The following DTWD2 variants were observed in gnomAD, a reference collection of about 807,000 sequenced individuals.
DTWD2 encodes the protein tRNA-uridine aminocarboxypropyltransferase 2.
DTWD2 carries 39 observed loss-of-function variants against 31.8 expected under a neutral mutation model. The observed-to-expected ratio is 1.22, with a 90% CI of 0.95 to 1.60. DTWD2 has a LOEUF of 1.60. Ranked by LOEUF, DTWD2 falls within the 40% of genes most tolerant of loss-of-function variation. The probability of loss-of-function intolerance (pLI) is 0.00; values close to 1 mark genes in which losing one functional copy is unlikely to be tolerated. For missense variants in DTWD2, 515 were observed against 381.5 expected, an observed-to-expected ratio of 1.35 and a Z score of -2.92; for synonymous variants, 180 against 142.8, an observed-to-expected ratio of 1.26 and a Z score of -1.86.
intron 1 of DTWD2, among the ~76,000 whole-genome samples, chr5:118,968,174 T>G (rs910831454): frequency 1.3e-5 from 2 of 151,672 alleles, no homozygotes; most frequent in Non-Finnish European, 2.9e-5. Context: ...CTGACCAGTA[T>G]TCTTCAAAAG....
intron 4 of DTWD2, among the ~76,000 whole-genome samples, chr5:118,922,376 C>G (rs192239795): frequency 1.7e-4 from 26 of 152,224 alleles, no homozygotes; most frequent in Non-Finnish European, 3.2e-4. Flanking sequence ...CCATTTTTCT[C>G]TCATACATTT....
intron 4 of DTWD2, among the ~76,000 whole-genome samples, chr5:118,894,901 T>C (rs553160447): frequency 1.1e-4 from 17 of 152,088 alleles, no homozygotes; most frequent in Non-Finnish European, 2.4e-4. Context: ...ACAGCTATTA[T>C]CACACTGAAT....
At chr5:118,913,966 T>C (rs1402860960) in intron 4 of DTWD2, among the ~76,000 whole-genome samples, 1 of 128,772 alleles carries the variant, frequency 7.8e-6, no homozygotes, top group African/African-American at 4.7e-5. Flanking sequence ...AAACCAAGCA[T>C]ACAATAAATA....
intron 4 of DTWD2, among the ~76,000 whole-genome samples, chr5:118,910,128 T>C (rs1041420257): frequency 1.3e-5 from 2 of 152,240 alleles, no homozygotes; most frequent in Non-Finnish European, 2.9e-5. Context: ...TTTCATTGTT[T>C]AAAACATGGC....
intron 1 of DTWD2, among the ~76,000 whole-genome samples, chr5:118,980,029 A>G (rs1309298774): frequency 6.6e-6 from 1 of 152,204 alleles, no homozygotes; most frequent in Non-Finnish European, 1.5e-5. Context: ...GTACTGTACC[A>G]ATGTTCATTT....
At chr5:118,873,711 C>T (rs528098113) in intron 4 of DTWD2, among the ~76,000 whole-genome samples, 5 of 152,308 alleles carry the variant, frequency 3.3e-5, no homozygotes, top group Admixed American at 6.5e-5. Context: ...CTCACACTTG[C>T]GCTAACCCTG....
At chr5:118,967,238 G>A (rs978029365) in intron 1 of DTWD2, among the ~76,000 whole-genome samples, 1 of 152,124 alleles carries the variant, frequency 6.6e-6, no homozygotes, top group Non-Finnish European at 1.5e-5. Context: ...GAACTCTGTG[G>A]TATTGGATGA....
chr5:118,852,140 A>G (rs1214945038), intron 4 of DTWD2, among the ~76,000 whole-genome samples: 1 of 152,200 alleles, frequency 6.6e-6, no homozygotes, highest in Admixed American at 6.5e-5. Context: ...TCTCTGCAAG[A>G]AGAAAAATAT....
chr5:118,859,371 TTTTTAAAGTATCA>T (rs1239746792), intron 4 of DTWD2, among the ~76,000 whole-genome samples: 4 of 152,248 alleles, frequency 2.6e-5, no homozygotes, highest in South Asian at 2.1e-4. Context: ...TTTTCACTTA[TTTTTAAAGTATCA>T]TTTTAAAGTA....
intron 1 of DTWD2, among the ~76,000 whole-genome samples, chr5:118,963,492 T>C (rs78278833): frequency 0.048 from 7,241 of 152,286 alleles, 215 homozygotes; most frequent in Non-Finnish European, 0.074. Flanking sequence ...CTGCAGGACT[T>C]GGATGTTACA....
At chr5:118,880,471 C>T (rs1262370284) in intron 4 of DTWD2, among the ~76,000 whole-genome samples, 4 of 152,120 alleles carry the variant, frequency 2.6e-5, no homozygotes, top group East Asian at 1.9e-4. Flanking sequence ...CACAACAAAA[C>T]CGTTATTATA....
chr5:118,952,973 T>A (rs1754499356), intron 1 of DTWD2, among the ~76,000 whole-genome samples: 1 of 152,248 alleles, frequency 6.6e-6, no homozygotes, highest in African/African-American at 2.4e-5. Flanking sequence ...TGTTTTCACA[T>A]CTTCCTCTCA....
At chr5:118,918,396 G>A (rs1042481989) in intron 4 of DTWD2, among the ~76,000 whole-genome samples, 1 of 150,594 alleles carries the variant, frequency 6.6e-6, no homozygotes, top group African/African-American at 2.4e-5. Context: ...GCACGATCTC[G>A]GCTCATTGCA....
intron 1 of DTWD2, among the ~76,000 whole-genome samples, chr5:118,967,048 T>A (rs1251060410): frequency 2.9e-5 from 4 of 139,222 alleles, no homozygotes; most frequent in Admixed American, 1.4e-4. Context: ...AAAAAGACAA[T>A]CAGTAACTCA....
chr5:118,905,448 T>C (rs1753306796), intron 4 of DTWD2, among the ~76,000 whole-genome samples: 1 of 152,166 alleles, frequency 6.6e-6, no homozygotes, highest in Non-Finnish European at 1.5e-5. Context: ...ACTGAAAGCA[T>C]TCACATCATA....
At chr5:118,971,313 G>C (rs1388757703) in intron 1 of DTWD2, among the ~76,000 whole-genome samples, 1 of 152,026 alleles carries the variant, frequency 6.6e-6, no homozygotes, top group South Asian at 2.1e-4. Flanking sequence ...ATGGAAAACA[G>C]AAAAATGCAG....
At chr5:118,964,208 A>T (rs1429358848) in intron 1 of DTWD2, among the ~76,000 whole-genome samples, 1 of 142,812 alleles carries the variant, frequency 7.0e-6, no homozygotes, top group Non-Finnish European at 1.5e-5. Context: ...ACAGAGCAAG[A>T]CTCCATCTCA....
chr5:118,850,281 T>C (rs1432154787), intron 4 of DTWD2, among the ~76,000 whole-genome samples: 1 of 134,568 alleles, frequency 7.4e-6, no homozygotes, highest in Non-Finnish European at 1.6e-5. Flanking sequence ...ATGGCTCACA[T>C]GGTGAAACCC....
At chr5:118,860,081 G>A (rs565748238) in intron 4 of DTWD2, among the ~76,000 whole-genome samples, 106 of 151,910 alleles carry the variant, frequency 7.0e-4, no homozygotes, top group African/African-American at 2.5e-3. Context: ...TCATTCCACT[G>A]TACTCCAGCC....
Sources: gnomAD v4.1 joint callset for allele counts (sites outside exome capture counted in the v4.1 genomes callset) on GRCh38, gnomAD v4.1.1 for gene constraint, MANE v1.5 for transcripts, NCBI Gene and HGNC (gene_info 2026-07-23, HGNC 2026-07-21) for gene names.